Variants in HDAC9 observed in about 807,000 individuals in gnomAD.
HDAC9 encodes the protein histone deacetylase 9.
HDAC9 carries 41 observed loss-of-function variants against 139.4 expected under a neutral mutation model. That is an observed-to-expected ratio of 0.29 (90% CI 0.23 to 0.38). The LOEUF is 0.38. Among genes scored for constraint, HDAC9 ranks in the 10% least tolerant of loss-of-function variants. HDAC9 has a pLI of 1.00. For missense variants in HDAC9, 1,147 were observed against 1,297.0 expected (o/e 0.88, Z 1.78); for synonymous variants, 517 against 476.2 (o/e 1.09, Z -1.12).
intron 22 of HDAC9, among the ~76,000 whole-genome samples, chr7:18,891,104 C>T (rs1800643043): frequency 6.6e-6 from 1 of 152,176 alleles, no homozygotes; most frequent in African/African-American, 2.4e-5. Flanking sequence ...CATTTGTTTG[C>T]ACTTTTCTGG....
At chr7:18,794,845 T>G (rs1295468288) in intron 17 of HDAC9, among the ~76,000 whole-genome samples, 1 of 152,218 alleles carries the variant, frequency 6.6e-6, no homozygotes, top group East Asian at 1.9e-4. Context: ...TATTATAATT[T>G]TAAAGATTAT....
At chr7:18,941,675 T>C (rs1257105794) in intron 23 of HDAC9, among the ~76,000 whole-genome samples, 1 of 152,140 alleles carries the variant, frequency 6.6e-6, no homozygotes, top group African/African-American at 2.4e-5. Context: ...ATGTATGATA[T>C]GTCAGAATAG....
chr7:18,975,286 T>A (rs1784481613), intron 24 of HDAC9, among the ~76,000 whole-genome samples: 1 of 152,238 alleles, frequency 6.6e-6, no homozygotes, highest in Non-Finnish European at 1.5e-5. Context: ...AGAAAGAACA[T>A]CCAGGACTAA....
intron 1 of HDAC9, among the ~76,000 whole-genome samples, chr7:18,413,115 C>G (rs1051624522): frequency 1.3e-5 from 2 of 152,106 alleles, no homozygotes; most frequent in Non-Finnish European, 2.9e-5. Flanking sequence ...TAGCTACCAA[C>G]TAAATAGGAA....
At chr7:18,595,833 G>T (rs894815715) in intron 6 of HDAC9, among the ~76,000 whole-genome samples, 21 of 152,134 alleles carry the variant, frequency 1.4e-4, no homozygotes, top group African/African-American at 4.8e-4. Flanking sequence ...TTAAGGAGAA[G>T]TACTAAAAAC....
intron 2 of HDAC9, among the ~76,000 whole-genome samples, chr7:18,526,763 A>G (rs1325584368): frequency 1.3e-5 from 2 of 152,158 alleles, no homozygotes; most frequent in Non-Finnish European, 2.9e-5. Context: ...AAAAAAACTC[A>G]ACTAGATCTT....
chr7:18,885,368 C>T (rs548293031), intron 22 of HDAC9, among the ~76,000 whole-genome samples: 8 of 152,298 alleles, frequency 5.3e-5, no homozygotes, highest in African/African-American at 1.7e-4. Flanking sequence ...GCACTAGGCA[C>T]TATGCCTCAA....
chr7:18,627,958 A>G lies in HDAC9; in HGVS notation c.665-1392A>G, dbSNP rs189580760. Among the ~76,000 whole-genome samples the G allele has an allele frequency of 2.1e-3, 314 of 152,274 alleles. 1 individual carries two copies. Among genetic ancestry groups the G allele is most frequent in the African/African-American group, 7.0e-3 (290 of 41,548 alleles). On this transcript the variant is annotated intron_variant, in intron 6 of 25. Coordinates refer to ENST00000686413, the MANE Select transcript of HDAC9 (RefSeq NM_178425.4). The stretch of plus-strand genomic sequence containing the variant: ...CATATAATGCAAGAGTTCTCCATCG[A>G]AGCTTAAAGCAAAAAGTATAGATAT...
chr7:18,482,225 C>T (rs1283476678), intron 1 of HDAC9, among the ~76,000 whole-genome samples: 1 of 151,448 alleles, frequency 6.6e-6, no homozygotes, highest in Non-Finnish European at 1.5e-5. Flanking sequence ...CATGGACCCT[C>T]ATGTGCCCTG....
chr7:18,757,685 CT>C (rs1336454824), intron 14 of HDAC9, among the ~76,000 whole-genome samples: 2 of 152,088 alleles, frequency 1.3e-5, no homozygotes, highest in East Asian at 3.9e-4. Context: ...GAACTGTTTC[CT>C]TTTTTCCCTG....
At chr7:18,995,437 A>C (rs1786386156) in intron 25 of HDAC9, among the ~76,000 whole-genome samples, 1 of 152,378 alleles carries the variant, frequency 6.6e-6, no homozygotes, top group African/African-American at 2.4e-5. Flanking sequence ...TTGCCTGCGC[A>C]GAATACCCTG....
At chr7:18,880,630 A>G (rs35187226) in intron 22 of HDAC9, among the ~76,000 whole-genome samples, 1 of 152,046 alleles carries the variant, frequency 6.6e-6, no homozygotes, top group African/African-American at 2.4e-5. Context: ...GAAGGAAATA[A>G]CAGATACTGG....
chr7:18,304,039 A>G (rs1798750828), intron 1 of HDAC9, among the ~76,000 whole-genome samples: 1 of 152,240 alleles, frequency 6.6e-6, no homozygotes, highest in African/African-American at 2.4e-5. Flanking sequence ...TGCTTGATAG[A>G]GAGTCCCATA....
Position 18,150,821 on chromosome 7 carries a change from A to G in HDAC9, c.-96-11408A>G, listed in dbSNP as rs1184118511. 3.9e-5 allele frequency among the ~76,000 whole-genome samples: 6 copies of G among 152,368 alleles called. No individual in the cohort carries two copies. In the East Asian group the frequency reaches 1.2e-3, roughly 29 times the overall value. On this transcript the variant is annotated intron_variant, in intron 1 of 12. Transcript: ENST00000417496. ...TTTTATGCCCAAAATAAGTGTGTCA[A>G]GATTTTTTCACTATTTTTTTCTTAA... is the stretch of plus-strand genomic sequence containing the variant.
At chr7:18,448,554 G>A (rs892037685) in intron 1 of HDAC9, among the ~76,000 whole-genome samples, 9 of 152,010 alleles carry the variant, frequency 5.9e-5, no homozygotes, top group East Asian at 1.9e-4. Context: ...AGAGGGTAAC[G>A]TAACTATTTT....
intron 2 of HDAC9, among the ~76,000 whole-genome samples, chr7:18,169,016 C>T (rs1439412644): frequency 2.0e-5 from 3 of 150,956 alleles, no homozygotes; most frequent in Non-Finnish European, 4.4e-5. Context: ...TGGCTCACTG[C>T]AACCTCCGCC....
chr7:18,385,359 G>T (rs1332202773), intron 1 of HDAC9, among the ~76,000 whole-genome samples: 1 of 151,862 alleles, frequency 6.6e-6, no homozygotes, highest in Non-Finnish European at 1.5e-5. Flanking sequence ...TTTCCTTTGG[G>T]ATAATAACAC....
intron 12 of HDAC9, among the ~76,000 whole-genome samples, chr7:18,680,229 A>G (rs1781799640): frequency 6.6e-6 from 1 of 152,042 alleles, no homozygotes; most frequent in South Asian, 2.1e-4. Flanking sequence ...TGGGGAGCCT[A>G]CTAGGAGAGT....
intron 1 of HDAC9, among the ~76,000 whole-genome samples, chr7:18,128,026 C>A (rs1294663922): frequency 6.6e-6 from 1 of 152,028 alleles, no homozygotes; most frequent in South Asian, 2.1e-4. Flanking sequence ...ATTTTTATTT[C>A]TTGAGTAACA....
Sources: allele counts gnomAD v4.1 joint callset (sites outside exome capture counted in the v4.1 genomes callset), GRCh38; gene constraint gnomAD v4.1.1; transcripts MANE v1.5; gene names NCBI Gene and HGNC (gene_info 2026-07-23, HGNC 2026-07-21).